SNX10: variants seen among roughly 807,000 people sequenced by gnomAD.
SNX10 encodes sorting nexin-10.
A neutral mutation model predicts 28.5 loss-of-function variants in SNX10; 25 were observed. That is an observed-to-expected ratio of 0.88 (90% CI 0.64 to 1.22). The LOEUF (loss-of-function observed/expected upper bound fraction) is 1.22. Ranked by LOEUF, SNX10 falls within the 50% of genes most tolerant of loss-of-function variation. The pLI is 0.00. For synonymous variants in SNX10, 62 were observed against 81.4 expected, an observed-to-expected ratio of 0.76 and a Z score of 1.28; for missense variants, 223 against 242.6, an observed-to-expected ratio of 0.92 and a Z score of 0.54.
At chr7:26,299,258 C>T (rs932744513) in intron 1 of SNX10, among the ~76,000 whole-genome samples, 2 of 151,790 alleles carry the variant, frequency 1.3e-5, no homozygotes, top group African/African-American at 2.4e-5. Flanking sequence ...TGCGGTGGTG[C>T]GATCTCGGCT....
At chr7:26,326,212 C>G (rs892489015) in intron 1 of SNX10, among the ~76,000 whole-genome samples, 1 of 152,030 alleles carries the variant, frequency 6.6e-6, no homozygotes. Flanking sequence ...AGTTTTTCTA[C>G]CTACAAAAAG....
chr7:26,325,811 T>C (rs1447614331), intron 1 of SNX10, among the ~76,000 whole-genome samples: 1 of 151,408 alleles, frequency 6.6e-6, no homozygotes, highest in East Asian at 1.9e-4. Flanking sequence ...CACTGCAACC[T>C]CTACCTCCTG....
intron 1 of SNX10, among the ~76,000 whole-genome samples, chr7:26,305,044 C>G (rs755666435): frequency 6.6e-6 from 1 of 152,098 alleles, no homozygotes. Flanking sequence ...GTGTCAGCCC[C>G]GACACAAACT....
intron 1 of SNX10, among the ~76,000 whole-genome samples, chr7:26,310,107 G>A (rs1758609219): frequency 6.6e-6 from 1 of 152,216 alleles, no homozygotes; most frequent in Non-Finnish European, 1.5e-5. Context: ...TTCACTCTGC[G>A]TTGTTGCTGG....
intron 1 of SNX10, among the ~76,000 whole-genome samples, chr7:26,329,302 C>G (rs1343814855): frequency 6.6e-6 from 1 of 152,222 alleles, no homozygotes; most frequent in Non-Finnish European, 1.5e-5. Context: ...ACACTGCCCA[C>G]TCTTCCCGCA....
intron 1 of SNX10, among the ~76,000 whole-genome samples, chr7:26,308,194 T>C (rs1188971715): frequency 6.6e-6 from 1 of 152,244 alleles, no homozygotes; most frequent in African/African-American, 2.4e-5. Context: ...ACAGTACCTC[T>C]TGCTGACTTT....
At chr7:26,336,389 G>A (rs1479302577) in intron 1 of SNX10, among the ~76,000 whole-genome samples, 1 of 151,470 alleles carries the variant, frequency 6.6e-6, no homozygotes, top group South Asian at 2.1e-4. Context: ...AAAAAAAAGT[G>A]CTTTTAAAAA....
At position 26,372,563 on chromosome 7, in the gene SNX10, G is replaced by A; in HGVS notation, c.597G>A (p.Gln199=). ...GATGTAAAGTAAATACAGCTCCGCA[G>A]GAATCCTGAAAAATAATTCTAATGT... ...SHGCKVNTAP[Q]ES Residue 199 remains glutamine (Q), a synonymous_variant, in exon 7 of 7, where the codon CAG becomes CAA. Coordinates refer to ENST00000338523, the MANE Select transcript of SNX10 (RefSeq NM_013322.3). 6.3e-7 allele frequency: 1 copy of A among 1,587,852 alleles called. No individual in the cohort carries two copies. Among genetic ancestry groups the A allele is most frequent in the African/African-American group, 1.3e-5 (1 of 74,426 alleles).
At chr7:26,348,213 A>G (rs1788463849) in intron 2 of SNX10, among the ~76,000 whole-genome samples, 1 of 152,166 alleles carries the variant, frequency 6.6e-6, no homozygotes, top group Non-Finnish European at 1.5e-5. Context: ...ACCTTCCACA[A>G]TACCTATACC....
At chr7:26,319,798 A>G (rs187718586) in intron 1 of SNX10, among the ~76,000 whole-genome samples, 9 of 152,260 alleles carry the variant, frequency 5.9e-5, no homozygotes, top group African/African-American at 2.2e-4. Flanking sequence ...GCGGGGGGGA[A>G]ATGACAAAAG....
intron 2 of SNX10, among the ~76,000 whole-genome samples, chr7:26,351,890 T>G (rs1377082727): frequency 6.6e-6 from 1 of 151,926 alleles, no homozygotes; most frequent in East Asian, 1.9e-4. Context: ...TCTCCTGACC[T>G]CGTGATCCGC....
chr7:26,356,691 C>T (rs1421626899), intron 2 of SNX10, among the ~76,000 whole-genome samples: 2 of 152,142 alleles, frequency 1.3e-5, no homozygotes, highest in Admixed American at 6.5e-5. Flanking sequence ...TTGCCTGGTA[C>T]AAGTCTTAGG....
intron 1 of SNX10, among the ~76,000 whole-genome samples, chr7:26,341,994 CTCTT>C (rs747406391): frequency 0.052 from 7,425 of 142,414 alleles, 553 homozygotes; most frequent in East Asian, 0.26. Flanking sequence ...CTCTCTCTCT[CTCTT>C]TCTTTCTTTC....
intron 2 of SNX10, chr7:26,353,912 C>G (rs1036613400): frequency 6.6e-6 from 1 of 152,134 alleles, no homozygotes; most frequent in African/African-American, 2.4e-5. Flanking sequence ...AGAAAAAGAA[C>G]AAACTGAGAC....
chr7:26,306,184 G>A (rs1205220752), intron 1 of SNX10, among the ~76,000 whole-genome samples: 3 of 151,786 alleles, frequency 2.0e-5, no homozygotes, highest in African/African-American at 4.8e-5. Flanking sequence ...GATTGCAGAC[G>A]TGACCCACTG....
At chr7:26,312,537 G>C (rs1786888681) in intron 1 of SNX10, among the ~76,000 whole-genome samples, 1 of 152,218 alleles carries the variant, frequency 6.6e-6, no homozygotes, top group African/African-American at 2.4e-5. Flanking sequence ...TGTAATCCCA[G>C]CACTTTGGGA....
chr7:26,373,172 C>G lies in SNX10; in HGVS notation c.*600C>G, dbSNP rs990870582. The G allele has an allele frequency of 1.3e-5, 2 of 152,032 alleles. No individual in the cohort carries two copies. The highest frequency in any genetic ancestry group is 2.4e-5 in the African/African-American group (1 of 41,420). The allele number at this position is 152,032 out of a possible 1,614,324, so 9.4% of individuals were successfully genotyped here. On this transcript the variant is annotated 3_prime_UTR_variant, in exon 7 of 7. Coordinates refer to ENST00000338523, the MANE Select transcript of SNX10 (RefSeq NM_013322.3). The surrounding 1 kb of genome is among the most constrained non-coding windows in gnomAD (Gnocchi z 4.2). ...TGGAAATGTATCTTATGAATAGAGACATATTAAAATAATGTTTACATCTTA... is the reference window on the plus strand; with the variant it reads ...TGGAAATGTATCTTATGAATAGAGAGATATTAAAATAATGTTTACATCTTA...
chr7:26,336,666 C>T (rs971740744), intron 1 of SNX10, among the ~76,000 whole-genome samples: 1 of 152,176 alleles, frequency 6.6e-6, no homozygotes, highest in African/African-American at 2.4e-5. Flanking sequence ...GATTGTGCCA[C>T]CGCACTCCAG....
At chr7:26,295,808 A>G (rs1031848442) in intron 1 of SNX10, among the ~76,000 whole-genome samples, 1 of 152,232 alleles carries the variant, frequency 6.6e-6, no homozygotes, top group African/African-American at 2.4e-5. Flanking sequence ...CTGATTTGGT[A>G]TGGGAATCTA....
Sources: gnomAD v4.1 joint callset for allele counts (sites outside exome capture counted in the v4.1 genomes callset) on GRCh38, gnomAD v4.1.1 for gene constraint, Gnocchi (gnomAD v3.1) non-coding constraint, MANE v1.5 for transcripts, NCBI Gene and HGNC (gene_info 2026-07-23, HGNC 2026-07-21) for gene names.